The following MTRF1 variants were observed in gnomAD, a reference collection of about 807,000 sequenced individuals.
MTRF1 encodes the protein mitochondrial translation release factor 1.
A neutral mutation model predicts 62.9 loss-of-function variants in MTRF1; 51 were observed. The observed-to-expected ratio is 0.81, with a 90% CI of 0.65 to 1.02. MTRF1 has a LOEUF of 1.02. Among genes scored for constraint, MTRF1 ranks in the 50% least tolerant of loss-of-function variants. MTRF1 has a pLI of 0.00. For missense variants in MTRF1, 446 were observed against 530.0 expected (o/e 0.84, Z 1.56); for synonymous variants, 158 against 181.9 (o/e 0.87, Z 1.06).
chr13:41,217,051 T>G lies in MTRF1; in HGVS notation c.*64A>C. 1 of 848,972 alleles carries G rather than the reference T, an allele frequency of 1.2e-6. No homozygotes were observed. The highest frequency in any genetic ancestry group is 2.3e-5 in the Admixed American group (1 of 43,044). The allele number at this position is 848,972 out of a possible 1,614,324, so 52.6% of individuals were successfully genotyped here. ...AAATATTCATAATGATTTCCAAGCT[T>G]CAGTCTGCCTCTTGATATAGGTCCA... is the stretch of plus-strand genomic sequence containing the variant. On this transcript the variant is annotated 3_prime_UTR_variant, in exon 10 of 10. Transcript: ENST00000379480.
At position 41,217,093 on chromosome 13, in the gene MTRF1, A is replaced by T. The variant is rs761373051; in HGVS notation, c.*22T>A. 2 of 1,391,696 alleles carry T rather than the reference A, an allele frequency of 1.4e-6. No individual in the cohort carries two copies. The highest frequency in any genetic ancestry group is 2.6e-5 in the South Asian group (2 of 77,842). 86.2% of individuals were successfully genotyped at this position (1,391,696 alleles called of 1,614,324 possible). A position where few individuals can be genotyped will look rare whatever the true frequency, so the allele number is the denominator to read the frequency against. ...ATAGGTCCATTTCATTTATATAATC[A>T]TAAATAATAATAAGTTAGTATTTAT... On this transcript the variant is annotated 3_prime_UTR_variant, in exon 10 of 10. Coordinates refer to ENST00000379480, the MANE Select transcript of MTRF1 (RefSeq NM_004294.4).
At chr13:41,231,322 A>G (rs571260811) in intron 7 of MTRF1, among the ~76,000 whole-genome samples, 124 of 152,356 alleles carry the variant, frequency 8.1e-4, no homozygotes, top group African/African-American at 2.9e-3. Flanking sequence ...GGCTAAATAC[A>G]GAAAGCCTAT....
intron 7 of MTRF1, 127 bp from the exon 8 acceptor site, chr13:41,226,695 G>A: frequency 9.3e-7 from 1 of 1,070,226 alleles, no homozygotes; most frequent in Non-Finnish European, 1.4e-6. Flanking sequence ...TTTAGGTTTA[G>A]CACACTTCAG....
At chr13:41,231,125 A>C (rs1403324692) in intron 7 of MTRF1, among the ~76,000 whole-genome samples, 3 of 152,226 alleles carry the variant, frequency 2.0e-5, no homozygotes, top group African/African-American at 7.2e-5. Flanking sequence ...ATCCCCAAAC[A>C]TGATCTATTA....
At chr13:41,255,673 C>G (rs1170690355) in intron 2 of MTRF1, among the ~76,000 whole-genome samples, 1 of 152,142 alleles carries the variant, frequency 6.6e-6, no homozygotes, top group Non-Finnish European at 1.5e-5. Flanking sequence ...GCCTGGGTGA[C>G]AGAGAAAGAC....
At chr13:41,273,055 G>GCA in the MTRF1 span, among the ~76,000 whole-genome samples, 1 of 152,144 alleles carries the variant, frequency 6.6e-6, no homozygotes, top group Non-Finnish European at 1.5e-5. Flanking sequence ...GGCTGGGCAT[G>GCA]GTGGCTCACG....
rs927810687 is a variant in MTRF1, at chr13:41,257,823, G to A, written c.415+2670C>T. On this transcript the variant is annotated intron_variant, in intron 2 of 9. Transcript: ENST00000379480. ...TTAAAAGAAACAAAAAGGGGGAGGG[G>A]GAATAATCATATATCCTACCTCATA... is the stretch of plus-strand genomic sequence containing the variant. The A allele has an allele frequency of 2.5e-5, 11 of 438,584 alleles. No individual in the cohort carries two copies. The East Asian group carries it at 7.8e-4, about 31-fold the overall frequency. 27.2% of individuals were successfully genotyped at this position (438,584 alleles called of 1,614,324 possible).
intron 5 of MTRF1, among the ~76,000 whole-genome samples, chr13:41,251,872 T>C (rs1438715727): frequency 6.6e-6 from 1 of 152,118 alleles, no homozygotes; most frequent in Non-Finnish European, 1.5e-5. Context: ...CTGCACTGTT[T>C]GTCTATGTTG....
At position 41,240,396 on chromosome 13, in the gene MTRF1, G is replaced by A. The variant is rs202087808; in HGVS notation, c.735C>T (p.Asp245=). The A allele has an allele frequency of 7.4e-6, 12 of 1,613,468 alleles. No individual in the cohort carries two copies. The highest frequency in any genetic ancestry group is 2.2e-5 in the East Asian group (1 of 44,860). ...CATACTTCAAATGCTTATAGACACCGTCACCGGAAATTCGGGCGGCTGCAT... is the reference window on the plus strand; with the variant it reads ...CATACTTCAAATGCTTATAGACACCATCACCGGAAATTCGGGCGGCTGCAT... The part of the protein sequence containing the change: ...LHHAAARISG[D]GVYKHLKYEG... Residue 245 remains aspartate (D), a synonymous_variant, in exon 6 of 10, where the codon GAC becomes GAT. Coordinates refer to ENST00000379480, the MANE Select transcript of MTRF1 (RefSeq NM_004294.4).
intron 7 of MTRF1, among the ~76,000 whole-genome samples, chr13:41,228,402 T>C (rs1865080915): frequency 6.6e-6 from 1 of 152,010 alleles, no homozygotes; most frequent in South Asian, 2.1e-4. Context: ...ATTTCGTCTC[T>C]ACTAAAAATA....
chr13:41,249,570 T>A (rs2038752830), intron 5 of MTRF1, among the ~76,000 whole-genome samples: 3 of 150,268 alleles, frequency 2.0e-5, no homozygotes, highest in Admixed American at 6.7e-5. Flanking sequence ...TTTTTAGAAA[T>A]TATAATTTCA....
At chr13:41,299,933 C>G in the MTRF1 span, among the ~76,000 whole-genome samples, 4 of 152,150 alleles carry the variant, frequency 2.6e-5, no homozygotes, top group African/African-American at 4.8e-5. Context: ...TCAATTTCAG[C>G]CCTTTCAATT....
intron 5 of MTRF1, among the ~76,000 whole-genome samples, chr13:41,249,628 T>TC (rs1293644904): frequency 5.9e-5 from 7 of 118,716 alleles, no homozygotes; most frequent in Admixed American, 1.7e-4. Flanking sequence ...TCTTTTTTTT[T>TC]TTTTTTTTTT....
At chr13:41,259,712 A>AAAAAAACAAAAAAAAAAAAC (rs1555268025) in intron 2 of MTRF1, among the ~76,000 whole-genome samples, 1 of 136,714 alleles carries the variant, frequency 7.3e-6, no homozygotes, top group Admixed American at 7.3e-5. Flanking sequence ...AAAAAAAAAA[A>AAAAAAACAAAAAAAAAAAAC]AAAAAAAAAC....
chr13:41,294,416 C>CAAA, the MTRF1 span, among the ~76,000 whole-genome samples: 1 of 79,464 alleles, frequency 1.3e-5, no homozygotes, highest in African/African-American at 3.7e-5. Flanking sequence ...GACTCCATCT[C>CAAA]AAAAAAAAAA....
chr13:41,289,757 G>A, the MTRF1 span, among the ~76,000 whole-genome samples: 4 of 152,156 alleles, frequency 2.6e-5, no homozygotes, highest in Non-Finnish European at 5.9e-5. Flanking sequence ...ACTGAAAACC[G>A]CAAAGCCTGC....
the MTRF1 span, among the ~76,000 whole-genome samples, chr13:41,273,054 T>C: frequency 0.023 from 3,512 of 152,130 alleles, 100 homozygotes; most frequent in African/African-American, 0.068. Context: ...TGGCTGGGCA[T>C]GGTGGCTCAC....
intron 5 of MTRF1, among the ~76,000 whole-genome samples, chr13:41,249,619 C>CTTTTTTTTTTTTT (rs1166204914): frequency 4.9e-5 from 3 of 61,530 alleles, no homozygotes; most frequent in African/African-American, 7.2e-5. Flanking sequence ...ATTTTTTTTT[C>CTTTTTTTTTTTTT]TTTTTTTTTT....
rs766757207 is a variant in MTRF1, at chr13:41,233,983, C to T, written c.895G>A (p.Asp299Asn). 1.9e-6 allele frequency: 3 copies of T among 1,613,856 alleles called. No individual in the cohort carries two copies. In the East Asian group the frequency reaches 6.7e-5, roughly 36 times the overall value. Reference sequence around the variant, plus strand: ...GCTCGAAATGTATCTATTCGCAAATCCTTGGGGTCCAATTTCACATCCACC... The same window carrying T: ...GCTCGAAATGTATCTATTCGCAAATTCTTGGGGTCCAATTTCACATCCACC... ...DEVDVKLDPK[D>N]LRIDTFRAKG... The change falls in exon 7 of 10, where the codon GAT (aspartate) becomes AAT (asparagine). Residue 299 changes from aspartate to asparagine, a missense_variant. Coordinates refer to ENST00000379480, the MANE Select transcript of MTRF1 (RefSeq NM_004294.4).
Sources: gnomAD v4.1 joint callset for allele counts (sites outside exome capture counted in the v4.1 genomes callset) on GRCh38, gnomAD v4.1.1 for gene constraint, MANE v1.5 for transcripts, NCBI Gene and HGNC (gene_info 2026-07-23, HGNC 2026-07-21) for gene names.